The following DPP6 variants were observed in gnomAD, a reference collection of about 807,000 sequenced individuals.
DPP6 encodes A-type potassium channel modulatory protein DPP6.
DPP6 carries 69 observed loss-of-function variants against 122.6 expected under a neutral mutation model. The ratio of observed to expected loss-of-function variants is 0.56; its 90% CI spans 0.46 to 0.69. The LOEUF is 0.69. Ranked by LOEUF, DPP6 falls within the 30% of genes least tolerant of loss-of-function variation. The pLI is 0.00. For missense variants in DPP6, 928 were observed against 1,116.9 expected (o/e 0.83, Z 2.41); for synonymous variants, 418 against 433.1 (o/e 0.97, Z 0.43).
intron 7 of DPP6, among the ~76,000 whole-genome samples, chr7:154,706,275 C>T (rs1035625984): frequency 2.0e-5 from 3 of 152,182 alleles, no homozygotes; most frequent in Admixed American, 1.3e-4. Context: ...CCCAGGGCCT[C>T]GGTGAACGTG....
intron 1 of DPP6, among the ~76,000 whole-genome samples, chr7:153,894,555 A>G (rs1227859891): frequency 1.3e-5 from 2 of 152,176 alleles, no homozygotes; most frequent in African/African-American, 2.4e-5. Flanking sequence ...ATGGCTGAAC[A>G]GTAGAATCAG....
chr7:154,870,054 A>G (rs1221429519), intron 18 of DPP6, among the ~76,000 whole-genome samples: 1 of 151,548 alleles, frequency 6.6e-6, no homozygotes, highest in Non-Finnish European at 1.5e-5. Flanking sequence ...ATCTTGGGTT[A>G]CTGCAGCCTT....
At chr7:154,471,466 A>T (rs562434385) in intron 2 of DPP6, among the ~76,000 whole-genome samples, 7 of 152,236 alleles carry the variant, frequency 4.6e-5, no homozygotes, top group Non-Finnish European at 7.4e-5. Flanking sequence ...ATGAGAGACC[A>T]GGGGTACATG....
intron 14 of DPP6, 44 bp from the exon 15 acceptor site, chr7:154,804,873 G>A: frequency 6.3e-7 from 1 of 1,579,092 alleles, no homozygotes; most frequent in Non-Finnish European, 8.6e-7. Context: ...GTGCAGACGT[G>A]CCTTGGAGCA....
rs34454400 is a variant in DPP6, at chr7:154,241,185, A to ATGCGTGCATGTG, written c.243+188124_243+188125insCGTGCATGTGTG. Among the ~76,000 whole-genome samples, 48 of 136,298 alleles carry ATGCGTGCATGTG rather than the reference A, an allele frequency of 3.5e-4. No individual in the cohort carries two copies. Among genetic ancestry groups the ATGCGTGCATGTG allele is most frequent in the African/African-American group, 1.3e-3 (47 of 35,788 alleles). The allele number at this position is 136,298 out of a possible 152,430, so 89.4% of individuals were successfully genotyped here. On this transcript the variant is annotated intron_variant, in intron 1 of 25. Transcript: ENST00000377770. The surrounding 1 kb of genome is among the most constrained non-coding windows in gnomAD (Gnocchi z 9.0). ...GCACAGTAGGTAATTCAATATCAAT[A>ATGCGTGCATGTG]TGTGTGTGTGTGTGTGTGTGTGTGT...
intron 1 of DPP6, among the ~76,000 whole-genome samples, chr7:154,421,505 G>A (rs1006415688): frequency 6.6e-6 from 1 of 152,150 alleles, no homozygotes; most frequent in Middle Eastern, 3.4e-3. Flanking sequence ...TGTGTTTTTA[G>A]TAGAGACAGG....
intron 2 of DPP6, among the ~76,000 whole-genome samples, chr7:154,455,854 A>G (rs1820779769): frequency 6.6e-6 from 1 of 152,226 alleles, no homozygotes; most frequent in Admixed American, 6.5e-5. Flanking sequence ...AAAGGCAACC[A>G]TGAAAATGAG....
Position 154,805,274 on chromosome 7 carries a change from C to T in DPP6, c.1547+310C>T, listed in dbSNP as rs2280660. Among the ~76,000 whole-genome samples the T allele has an allele frequency of 0.22, 34,124 of 152,120 alleles. 4,813 individuals are homozygous for T. The highest frequency in any genetic ancestry group is 0.32 in the Non-Finnish European group (21,593 of 67,988). ...TTTTCACTTCTATTCAATGTCACCT[C>T]GGAGGAATTCTGCCCCCCCTGCCCC... On this transcript the variant is annotated intron_variant, in intron 15 of 25. Coordinates refer to ENST00000377770, the MANE Select transcript of DPP6 (RefSeq NM_130797.4).
chr7:154,413,188 C>T (rs924238764), intron 1 of DPP6, among the ~76,000 whole-genome samples: 1 of 152,198 alleles, frequency 6.6e-6, no homozygotes, highest in Admixed American at 6.5e-5. Flanking sequence ...CATCCAATTC[C>T]TTGGGCTATC....
At chr7:153,829,032 C>A in the DPP6 span, among the ~76,000 whole-genome samples, 148 of 152,270 alleles carry the variant, frequency 9.7e-4, no homozygotes, top group African/African-American at 3.3e-3. Flanking sequence ...ACAGATACAT[C>A]ATGGTTGTGC....
chr7:154,561,017 A>G (rs1389816907), intron 4 of DPP6, among the ~76,000 whole-genome samples: 5 of 152,218 alleles, frequency 3.3e-5, no homozygotes, highest in Non-Finnish European at 7.3e-5. Flanking sequence ...AAGAAGAAAT[A>G]TTTCATAATG....
At chr7:154,388,235 C>T (rs577098519) in intron 1 of DPP6, among the ~76,000 whole-genome samples, 34 of 152,126 alleles carry the variant, frequency 2.2e-4, no homozygotes, top group Non-Finnish European at 4.4e-4. Flanking sequence ...CCTGAAAGGT[C>T]GAGCTGTAAT....
At chr7:154,215,962 C>G (rs768306408) in intron 1 of DPP6, among the ~76,000 whole-genome samples, 2 of 152,080 alleles carry the variant, frequency 1.3e-5, no homozygotes, top group African/African-American at 2.4e-5. Flanking sequence ...CGTACTGCTT[C>G]TTCTAAAAGG....
At chr7:154,360,038 G>A (rs1470462319) in intron 1 of DPP6, among the ~76,000 whole-genome samples, 1 of 152,196 alleles carries the variant, frequency 6.6e-6, no homozygotes, top group Non-Finnish European at 1.5e-5. Context: ...GCTTTGAGAT[G>A]TAAGATTTAG....
At chr7:154,348,730 G>T (rs914672575) in intron 1 of DPP6, among the ~76,000 whole-genome samples, 1 of 152,084 alleles carries the variant, frequency 6.6e-6, no homozygotes, top group African/African-American at 2.4e-5. Context: ...TTGCTGAGTG[G>T]AGGCTTAAAA....
At chr7:154,273,764 A>G (rs1042208144) in intron 1 of DPP6, among the ~76,000 whole-genome samples, 5 of 152,218 alleles carry the variant, frequency 3.3e-5, no homozygotes, top group Admixed American at 2.0e-4. Context: ...CCTGAGATGT[A>G]GCGAGGACAT....
At chr7:154,427,119 A>G (rs529514112) in intron 1 of DPP6, among the ~76,000 whole-genome samples, 3 of 152,298 alleles carry the variant, frequency 2.0e-5, no homozygotes, top group African/African-American at 7.2e-5. Context: ...TTATCTTATA[A>G]TCACATTTTC....
At chr7:154,437,223 C>T (rs1035991570) in intron 1 of DPP6, among the ~76,000 whole-genome samples, 2 of 152,224 alleles carry the variant, frequency 1.3e-5, no homozygotes, top group Admixed American at 1.3e-4. Context: ...TTCCATTATA[C>T]TGGATTATGT....
At chr7:154,009,658 T>C (rs2533534) in intron 1 of DPP6, among the ~76,000 whole-genome samples, 14,259 of 147,784 alleles carry the variant, frequency 0.096, 1,107 homozygotes, top group African/African-American at 0.22. Flanking sequence ...TTCCTGCTAT[T>C]CTTTCAGAAG....
Sources: allele counts gnomAD v4.1 joint callset (sites outside exome capture counted in the v4.1 genomes callset), GRCh38; gene constraint gnomAD v4.1.1; non-coding constraint Gnocchi (gnomAD v3.1); transcripts MANE v1.5; gene names NCBI Gene and HGNC (gene_info 2026-07-23, HGNC 2026-07-21).